The following SLC2A14 variants were observed in gnomAD, a reference collection of about 807,000 sequenced individuals.
The protein encoded by SLC2A14 is solute carrier family 2 member 14, also known as solute carrier family 2, facilitated glucose transporter member 14.
In SLC2A14, 13 loss-of-function variants were observed where a neutral mutation model predicts 43.0. The observed-to-expected ratio is 0.30, with a 90% CI of 0.20 to 0.48. SLC2A14 has a LOEUF of 0.48. Among genes scored for constraint, SLC2A14 ranks in the 20% least tolerant of loss-of-function variants. The pLI is 0.99. For missense variants in SLC2A14, 428 were observed against 620.4 expected, an observed-to-expected ratio of 0.69 and a Z score of 3.29; for synonymous variants, 190 against 233.8, an observed-to-expected ratio of 0.81 and a Z score of 1.71.
intron 1 of SLC2A14, chr12:7,871,299 T>C (rs999853762): frequency 8.9e-7 from 1 of 1,117,462 alleles, no homozygotes; most frequent in Non-Finnish European, 1.1e-6. Flanking sequence ...AGGCACCCAT[T>C]GATAAAAAAA....
chr12:7,863,338 G>A, intron 2 of SLC2A14: 1 of 452,522 alleles, frequency 2.2e-6, no homozygotes, highest in Non-Finnish European at 4.4e-6. Flanking sequence ...AGGGACTCCA[G>A]ACGCACCACT....
intron 2 of SLC2A14, among the ~76,000 whole-genome samples, chr12:7,835,473 C>T (rs1231852843): frequency 2.0e-5 from 3 of 152,190 alleles, no homozygotes; most frequent in African/African-American, 7.2e-5. Context: ...TCTGAGGTCG[C>T]TTAGTTCCAG....
intron 2 of SLC2A14, among the ~76,000 whole-genome samples, chr12:7,862,379 G>A (rs752312328): frequency 4.6e-5 from 7 of 151,880 alleles, no homozygotes; most frequent in South Asian, 2.1e-4. Context: ...CCAGCCCACC[G>A]GCGCTGCGCT....
At chr12:7,822,224 G>A (rs1312441176) in intron 7 of SLC2A14, among the ~76,000 whole-genome samples, 3 of 151,870 alleles carry the variant, frequency 2.0e-5, no homozygotes, top group African/African-American at 7.2e-5. Context: ...CTCCCAAAGC[G>A]CTAGGATTAC....
intron 2 of SLC2A14, 81 bp from the exon 3 acceptor site, chr12:7,832,895 G>C: frequency 7.2e-7 from 1 of 1,384,960 alleles, no homozygotes; most frequent in East Asian, 2.3e-5. Context: ...TTATGGAGCT[G>C]TATTAGGAGA....
upstream of SLC2A14, chr12:7,873,034 G>A: frequency 2.0e-6 from 2 of 985,634 alleles, no homozygotes; most frequent in Non-Finnish European, 2.4e-6. Flanking sequence ...GTCAGAGCAG[G>A]GGTCCGGCTC....
chr12:7,827,003 T>TTC (rs1210811349), intron 7 of SLC2A14, among the ~76,000 whole-genome samples: 4 of 139,958 alleles, frequency 2.9e-5, no homozygotes, highest in Non-Finnish European at 6.1e-5. Context: ...TTTCTCTCCT[T>TTC]TCTCTCTCTC....
At chr12:7,832,329 C>G (rs1244245708) in intron 3 of SLC2A14, among the ~76,000 whole-genome samples, 1 of 152,128 alleles carries the variant, frequency 6.6e-6, no homozygotes, top group Non-Finnish European at 1.5e-5. Flanking sequence ...TGGTAACTAA[C>G]CCCTAAGGGA....
rs1184806974 is a variant in SLC2A14 at position 7,866,785 on chromosome 12, T to C, written c.18+3078A>G. On this transcript the variant is annotated intron_variant, in intron 2 of 10. Transcript: ENST00000431042. Reference sequence around the variant, plus strand: ...AGAAGCTGTCCCTATAACTTAAAAGTACAAGGTAGGTGAAGCAGCAAGTGC... The same window carrying C: ...AGAAGCTGTCCCTATAACTTAAAAGCACAAGGTAGGTGAAGCAGCAAGTGC... 2.6e-5 allele frequency among the ~76,000 whole-genome samples: 4 copies of C among 152,272 alleles called. No homozygotes were observed. In the East Asian group the frequency reaches 7.7e-4, roughly 29 times the overall value.
chr12:7,882,294 G>C (rs7968463), intron 1 of SLC2A14, among the ~76,000 whole-genome samples: 99,505 of 151,480 alleles, frequency 0.66, 33,592 homozygotes, highest in Admixed American at 0.75. Context: ...AGGTCTGCAG[G>C]TTCACTCCTG....
At chr12:7,879,612 A>C (rs997597116) in intron 1 of SLC2A14, among the ~76,000 whole-genome samples, 2 of 152,076 alleles carry the variant, frequency 1.3e-5, no homozygotes, top group East Asian at 3.9e-4. Flanking sequence ...TGAACCCTGG[A>C]GGTGGAGGTT....
intron 2 of SLC2A14, among the ~76,000 whole-genome samples, chr12:7,836,219 A>G (rs10744068): frequency 0.98 from 148,173 of 151,260 alleles, 72,603 homozygotes; most frequent in East Asian, 1. Context: ...AGCCACAGAT[A>G]TAACTTTTTT....
intron 7 of SLC2A14, among the ~76,000 whole-genome samples, chr12:7,822,296 TA>T (rs1434339645): frequency 6.6e-6 from 1 of 152,070 alleles, no homozygotes; most frequent in South Asian, 2.1e-4. Flanking sequence ...TTTTAGCTAC[TA>T]ATGTCCATTG....
intron 2 of SLC2A14, among the ~76,000 whole-genome samples, chr12:7,848,697 A>G (rs186897675): frequency 1.3e-5 from 2 of 152,004 alleles, no homozygotes; most frequent in Admixed American, 1.3e-4. Flanking sequence ...CTGGGATTAC[A>G]GGTGCCCGCC....
chr12:7,828,996 G>A (rs1864759808), intron 5 of SLC2A14, 130 bp from the exon 6 acceptor site: 2 of 1,164,336 alleles, frequency 1.7e-6, no homozygotes, highest in East Asian at 2.5e-5. Flanking sequence ...GCTGAGGCAG[G>A]TGGATCAGGA....
intron 7 of SLC2A14, among the ~76,000 whole-genome samples, chr12:7,827,083 CTT>C (rs1491548979): frequency 1.9e-4 from 21 of 108,852 alleles, no homozygotes; most frequent in African/African-American, 7.4e-4. Flanking sequence ...CTCTTTCTTT[CTT>C]TCTTTCTTTC....
chr12:7,871,958 GA>G (rs887610937), intron 1 of SLC2A14: 4 of 953,816 alleles, frequency 4.2e-6, no homozygotes, highest in African/African-American at 1.8e-5. Context: ...GCTGAGCATG[GA>G]AAAAAAACAA....
intron 2 of SLC2A14, among the ~76,000 whole-genome samples, chr12:7,864,583 C>T (rs567474453): frequency 6.6e-5 from 10 of 151,902 alleles, no homozygotes; most frequent in South Asian, 2.1e-4. Context: ...CATCATCCGC[C>T]GGCCTCGGCC....
At chr12:7,824,602 G>A (rs1459078501) in intron 7 of SLC2A14, among the ~76,000 whole-genome samples, 1 of 150,710 alleles carries the variant, frequency 6.6e-6, no homozygotes, top group Admixed American at 6.6e-5. Flanking sequence ...GCGAAGTGGT[G>A]CACGCCTGTA....
Sources: allele counts gnomAD v4.1 joint callset (sites outside exome capture counted in the v4.1 genomes callset), GRCh38; gene constraint gnomAD v4.1.1; transcripts MANE v1.5; gene names NCBI Gene and HGNC (gene_info 2026-07-23, HGNC 2026-07-21).